The following DMXL1 variants were observed in gnomAD, a reference collection of about 807,000 sequenced individuals.
DMXL1 encodes Dmx like 1.
In DMXL1, 99 loss-of-function variants were observed where a neutral mutation model predicts 319.2. The observed-to-expected ratio is 0.31, with a 90% CI of 0.26 to 0.37. The LOEUF (loss-of-function observed/expected upper bound fraction) is 0.37, where lower values mean the gene tolerates loss of function less well. DMXL1 is among the 10% of genes least tolerant of loss of function. The probability of loss-of-function intolerance (pLI) is 1.00; values close to 1 mark genes in which losing one functional copy is unlikely to be tolerated. For missense variants in DMXL1, 3,745 were observed against 3,595.6 expected, an observed-to-expected ratio of 1.04 and a Z score of -1.06; for synonymous variants, 1,385 against 1,235.2, an observed-to-expected ratio of 1.12 and a Z score of -2.54.
intron 28 of DMXL1, chr5:119,178,725 C>T (rs1299851250): frequency 1.1e-6 from 1 of 903,370 alleles, no homozygotes; most frequent in Non-Finnish European, 1.3e-6. Flanking sequence ...TTTTATCATT[C>T]AGCTTGCTTT....
chr5:119,076,448 A>G (rs1195074617), intron 1 of DMXL1, among the ~76,000 whole-genome samples: 2 of 151,474 alleles, frequency 1.3e-5, no homozygotes, highest in African/African-American at 2.4e-5. Flanking sequence ...TGGTGGGGAG[A>G]ATATAGAAGG....
chr5:119,194,522 C>CAT (rs145949316), intron 30 of DMXL1, among the ~76,000 whole-genome samples: 11,404 of 152,000 alleles, frequency 0.075, 1,429 homozygotes, highest in African/African-American at 0.26. Context: ...ACATCTAAAA[C>CAT]GTGTATGTTT....
rs551059418 is a variant in DMXL1 at position 119,129,207 on chromosome 5, A to G, written c.1103-4A>G. The G allele has an allele frequency of 3.0e-5, 48 of 1,586,448 alleles. No individual in the cohort carries two copies. The South Asian group carries it at 5.2e-4, about 17-fold the overall frequency. ...TTTAATTTTATCTTTTTTTTCTCTT[A>G]TAGACATTCCACTTCTTCCATCTAT... On this transcript the variant is annotated splice_region_variant and splice_polypyrimidine_tract_variant and intron_variant, in intron 9 of 43. Coordinates refer to ENST00000539542, the MANE Select transcript of DMXL1 (RefSeq NM_001290321.3).
Position 119,210,757 on chromosome 5 carries a change from G to GTTTTTTTTTTTTTTT in DMXL1, c.7926+3866_7926+3880dup. ...TAAGTTCTTTTTTCTTTTTTCTTTCGTTTTTTTTTTTTTTTTTTTGCCTTA... is the reference window on the plus strand; with the variant it reads ...TAAGTTCTTTTTTCTTTTTTCTTTCGTTTTTTTTTTTTTTTTTTTTTTTTTTTTTTTTTTGCCTTA... On this transcript the variant is annotated intron_variant, in intron 34 of 43. Coordinates refer to ENST00000539542, the MANE Select transcript of DMXL1 (RefSeq NM_001290321.3). Among the ~76,000 whole-genome samples, 7 of 89,778 alleles carry GTTTTTTTTTTTTTTT rather than the reference G, an allele frequency of 7.8e-5. No individual in the cohort carries two copies. In the East Asian group the frequency reaches 1.0e-3, roughly 13 times the overall value. The allele number at this position is 89,778 out of a possible 152,430, so 58.9% of individuals were successfully genotyped here.
intron 26 of DMXL1, 151 bp from the exon 27 acceptor site, chr5:119,177,206 T>A: frequency 2.6e-6 from 1 of 386,232 alleles, no homozygotes; most frequent in South Asian, 1.1e-4. Context: ...GATACTTTGT[T>A]TTTATATAGC....
chr5:119,212,645 A>G (rs1023303295), intron 34 of DMXL1, among the ~76,000 whole-genome samples: 2 of 152,108 alleles, frequency 1.3e-5, no homozygotes, highest in Admixed American at 6.5e-5. Context: ...TTTAGCGTTA[A>G]TATTTGGATT....
chr5:119,206,688 G>A, intron 33 of DMXL1, 146 bp from the exon 34 acceptor site: 2 of 522,840 alleles, frequency 3.8e-6, no homozygotes, highest in East Asian at 3.3e-5. Flanking sequence ...CTTATAAGGT[G>A]TATGAAATTT....
intron 28 of DMXL1, among the ~76,000 whole-genome samples, chr5:119,187,495 A>G (rs1259108999): frequency 1.3e-5 from 2 of 152,208 alleles, no homozygotes; most frequent in African/African-American, 4.8e-5. Flanking sequence ...CAATTGGAGG[A>G]CAAAGAAGAG....
At position 119,170,676 on chromosome 5, in the gene DMXL1, A is replaced by T. The variant is rs778352323; in HGVS notation, c.5885A>T (p.Asp1962Val). Residue 1962 changes from aspartate (D) to valine (V), a missense_variant, in exon 24 of 44, where the codon GAC becomes GTC. This residue lies in a region of DMXL1 where 1,382 missense variants were observed against 1,269.5 expected (regional missense o/e 1.09). Coordinates refer to ENST00000539542, the MANE Select transcript of DMXL1 (RefSeq NM_001290321.3). ...CAACCAAGTGTTGTGTTTCAGGATG[A>T]CTCTTTAGAGTTAAAATGGGACAGT... ...WSQPSVVFQDDSLELKWDSDN... is the reference protein window; with the variant it reads ...WSQPSVVFQDVSLELKWDSDN... 2.5e-6 allele frequency: 4 copies of T among 1,613,492 alleles called. No homozygotes were observed. The highest frequency in any genetic ancestry group is 3.4e-6 in the Non-Finnish European group (4 of 1,179,878).
intron 19 of DMXL1, among the ~76,000 whole-genome samples, chr5:119,157,496 G>C (rs536487368): frequency 2.0e-5 from 3 of 152,228 alleles, no homozygotes; most frequent in African/African-American, 7.2e-5. Context: ...ACCTATTTTT[G>C]TATATGGTGT....
intron 25 of DMXL1, 110 bp from the exon 26 acceptor site, chr5:119,175,151 G>T: frequency 1.5e-6 from 1 of 665,104 alleles, no homozygotes; most frequent in Non-Finnish European, 2.4e-6. Flanking sequence ...TGAAGGCAAA[G>T]AATCAAAAAT....
intron 34 of DMXL1, among the ~76,000 whole-genome samples, chr5:119,207,262 T>C (rs564461225): frequency 6.6e-6 from 1 of 152,258 alleles, no homozygotes; most frequent in South Asian, 2.1e-4. Context: ...TTAATGATAC[T>C]AAAATTAGGA....
intron 19 of DMXL1, among the ~76,000 whole-genome samples, chr5:119,163,883 C>T (rs895722646): frequency 6.6e-6 from 1 of 151,688 alleles, no homozygotes; most frequent in African/African-American, 2.4e-5. Flanking sequence ...CCTAATTGTA[C>T]GTTTTTTGAG....
At chr5:119,213,537 A>G (rs1007381815) in intron 34 of DMXL1, among the ~76,000 whole-genome samples, 2 of 152,150 alleles carry the variant, frequency 1.3e-5, no homozygotes, top group African/African-American at 4.8e-5. Flanking sequence ...AAAATACTCC[A>G]TTTCTCTAGT....
intron 13 of DMXL1, among the ~76,000 whole-genome samples, chr5:119,136,716 G>A (rs995139285): frequency 1.3e-5 from 2 of 152,260 alleles, no homozygotes; most frequent in Admixed American, 6.5e-5. Context: ...GCTTCAGAGA[G>A]TGCAAGCCCC....
intron 38 of DMXL1, among the ~76,000 whole-genome samples, 177 bp downstream of exon 38, chr5:119,224,946 A>G (rs1242972332): frequency 1.3e-5 from 2 of 152,074 alleles, no homozygotes; most frequent in Non-Finnish European, 2.9e-5. Context: ...GGGTAAAAAT[A>G]GAAAAAGATA....
intron 1 of DMXL1, among the ~76,000 whole-genome samples, chr5:119,094,263 C>CT (rs1040048936): frequency 6.6e-6 from 1 of 152,212 alleles, no homozygotes; most frequent in Non-Finnish European, 1.5e-5. Flanking sequence ...CAGTTGGTAA[C>CT]TTTAAGTTGA....
chr5:119,118,667 C>A, intron 7 of DMXL1, 148 bp from the exon 8 acceptor site: 1 of 532,824 alleles, frequency 1.9e-6, no homozygotes. Context: ...GGTTGGCAAG[C>A]ATTTGCTGTG....
chr5:119,131,224 A>G (rs1048524788), intron 10 of DMXL1, among the ~76,000 whole-genome samples: 2 of 151,510 alleles, frequency 1.3e-5, no homozygotes, highest in African/African-American at 4.9e-5. Flanking sequence ...GTCAAAACTT[A>G]AAAAAAATAT....
Sources: allele counts gnomAD v4.1 joint callset (sites outside exome capture counted in the v4.1 genomes callset), GRCh38; gene constraint gnomAD v4.1.1; regional missense constraint gnomAD v4.1.1; transcripts MANE v1.5; gene names NCBI Gene and HGNC (gene_info 2026-07-23, HGNC 2026-07-21).